PDE1C: variants seen among roughly 807,000 people sequenced by gnomAD.
The protein encoded by PDE1C is dual specificity calcium/calmodulin-dependent 3',5'-cyclic nucleotide phosphodiesterase 1C.
PDE1C carries 62 observed loss-of-function variants against 93.1 expected under a neutral mutation model. The ratio of observed to expected loss-of-function variants is 0.67; its 90% confidence interval spans 0.54 to 0.82. The LOEUF is 0.82. Among genes scored for constraint, PDE1C ranks in the 40% least tolerant of loss-of-function variants. PDE1C has a pLI of 0.00. For missense variants in PDE1C, 742 were observed against 884.6 expected, an observed-to-expected ratio of 0.84 and a Z score of 2.04; for synonymous variants, 325 against 310.1, an observed-to-expected ratio of 1.05 and a Z score of -0.50.
intron 2 of PDE1C, among the ~76,000 whole-genome samples, chr7:32,198,220 T>G (rs1444994547): frequency 6.6e-6 from 1 of 152,184 alleles, no homozygotes; most frequent in East Asian, 1.9e-4. Flanking sequence ...TAAATGATAT[T>G]TCTCTCAATT....
At chr7:31,873,683 A>G (rs945717116) in intron 5 of PDE1C, among the ~76,000 whole-genome samples, 1 of 152,216 alleles carries the variant, frequency 6.6e-6, no homozygotes, top group Admixed American at 6.5e-5. Context: ...AAATATGTAA[A>G]TTATCCTGAA....
At chr7:31,692,068 T>C in the PDE1C span, among the ~76,000 whole-genome samples, 27 of 152,198 alleles carry the variant, frequency 1.8e-4, no homozygotes, top group African/African-American at 6.5e-4. Context: ...TTAAGCATGA[T>C]TTTCTGTGAC....
Position 31,848,813 on chromosome 7 carries a change from G to C in PDE1C, c.852-717C>G, listed in dbSNP as rs183018043. ...CCTTTGGTGGCCAAGTGGCAGGGCT[G>C]GGATGAAGGCAAGATCTTCTGACAG... On this transcript the variant is annotated intron_variant, in intron 8 of 17. Transcript: ENST00000396191. Among the ~76,000 whole-genome samples, 12 of 152,302 alleles carry C rather than the reference G, an allele frequency of 7.9e-5. No homozygotes were observed. The East Asian group carries it at 2.3e-3, about 29-fold the overall frequency.
intron 1 of PDE1C, among the ~76,000 whole-genome samples, chr7:32,279,774 A>G (rs1484701284): frequency 1.3e-5 from 2 of 152,124 alleles, no homozygotes; most frequent in Non-Finnish European, 2.9e-5. Context: ...AAAAATTTTG[A>G]AACTATAAAC....
chr7:32,209,560 G>A, intron 1 of PDE1C: 2 of 1,546,014 alleles, frequency 1.3e-6, no homozygotes, highest in Non-Finnish European at 1.7e-6. Flanking sequence ...AAAAGAGGAT[G>A]CAATTTAAAT....
chr7:32,258,207 G>A (rs1809946246), intron 1 of PDE1C, among the ~76,000 whole-genome samples: 1 of 152,240 alleles, frequency 6.6e-6, no homozygotes, highest in Non-Finnish European at 1.5e-5. Context: ...ACAAGCTGGG[G>A]ACCATGGGTA....
In PDE1C at chr7:31,879,318, GC is replaced by G. The variant is rs1302050597; in HGVS notation, c.243-141del. 3 of 770,950 alleles carry G rather than the reference GC, an allele frequency of 3.9e-6. No individual in the cohort carries two copies. In the African/African-American group the frequency reaches 5.3e-5, roughly 14 times the overall value. 47.8% of individuals were successfully genotyped at this position (770,950 alleles called of 1,614,324 possible). ...TTAAATTGGCCACAAAAAATACAGTGCCTTTTTGGTAAGGCTTATGTAAGCT... is the reference window on the plus strand; with the variant it reads ...TTAAATTGGCCACAAAAAATACAGTGCTTTTTGGTAAGGCTTATGTAAGCT... On this transcript the variant is annotated intron_variant, in intron 3 of 17. Transcript: ENST00000396191.
At chr7:32,342,895 C>A (rs1783785667) in intron 1 of PDE1C, among the ~76,000 whole-genome samples, 2 of 152,190 alleles carry the variant, frequency 1.3e-5, no homozygotes, top group Non-Finnish European at 2.9e-5. Context: ...TTATTTTGTG[C>A]TTGTTTATTT....
At chr7:32,111,659 G>T (rs1798647790) in intron 3 of PDE1C, among the ~76,000 whole-genome samples, 1 of 152,128 alleles carries the variant, frequency 6.6e-6, no homozygotes. Flanking sequence ...TCAGACAGCA[G>T]CTAGAACTAA....
chr7:32,150,997 T>C (rs938361163), intron 3 of PDE1C, among the ~76,000 whole-genome samples: 4 of 152,168 alleles, frequency 2.6e-5, no homozygotes, highest in Admixed American at 6.5e-5. Context: ...CCTAGGTCTC[T>C]GGGGACTCAA....
chr7:31,666,065 T>A, the PDE1C span, among the ~76,000 whole-genome samples: 2 of 152,182 alleles, frequency 1.3e-5, no homozygotes, highest in Non-Finnish European at 2.9e-5. Flanking sequence ...AGCTGCTTTA[T>A]AAATTCACAT....
At chr7:32,063,081 T>C (rs1380037602) in intron 1 of PDE1C, among the ~76,000 whole-genome samples, 1 of 152,224 alleles carries the variant, frequency 6.6e-6, no homozygotes. Context: ...ACCAACACTT[T>C]ACACGAATTC....
intron 2 of PDE1C, among the ~76,000 whole-genome samples, chr7:32,042,953 A>G (rs987566353): frequency 5.3e-5 from 8 of 152,230 alleles, no homozygotes; most frequent in Non-Finnish European, 1.0e-4. Context: ...ACTGAACCAG[A>G]GAGGAGCAAT....
At chr7:32,090,025 T>C (rs919677701) in intron 3 of PDE1C, among the ~76,000 whole-genome samples, 10 of 152,218 alleles carry the variant, frequency 6.6e-5, no homozygotes, top group Admixed American at 2.0e-4. Flanking sequence ...CTAGTTTTTA[T>C]TTCTTGCATC....
chr7:32,011,294 G>A (rs565999653), intron 2 of PDE1C, among the ~76,000 whole-genome samples: 46 of 151,942 alleles, frequency 3.0e-4, no homozygotes, highest in East Asian at 7.7e-4. Context: ...CCGGGTTCAC[G>A]CCATTCTCCT....
intron 1 of PDE1C, among the ~76,000 whole-genome samples, chr7:32,214,680 GTA>G (rs1192436496): frequency 5.9e-5 from 9 of 152,100 alleles, no homozygotes; most frequent in Non-Finnish European, 1.3e-4. Context: ...ATCGAGCGAG[GTA>G]TATCTCTGCT....
At chr7:32,252,146 T>A (rs1379242098) in intron 1 of PDE1C, among the ~76,000 whole-genome samples, 1 of 152,258 alleles carries the variant, frequency 6.6e-6, no homozygotes, top group African/African-American at 2.4e-5. Flanking sequence ...CTCTCTGACC[T>A]GCTTACTTTT....
At chr7:32,065,143 A>T (rs981158321) in intron 1 of PDE1C, among the ~76,000 whole-genome samples, 1 of 152,158 alleles carries the variant, frequency 6.6e-6, no homozygotes, top group East Asian at 1.9e-4. Context: ...AAACAGACCC[A>T]ACCATACTCT....
At chr7:31,896,019 A>ATACATACATACATACG (rs1398778280) in intron 2 of PDE1C, among the ~76,000 whole-genome samples, 1 of 151,932 alleles carries the variant, frequency 6.6e-6, no homozygotes, top group Admixed American at 6.6e-5. Flanking sequence ...ACATACATAC[A>ATACATACATACATACG]TACACACACA....
Sources: gnomAD v4.1 joint callset for allele counts (sites outside exome capture counted in the v4.1 genomes callset) on GRCh38, gnomAD v4.1.1 for gene constraint, MANE v1.5 for transcripts, NCBI Gene and HGNC (gene_info 2026-07-23, HGNC 2026-07-21) for gene names.